Variants in CADM2 observed in about 807,000 individuals in gnomAD.
The protein encoded by CADM2 is cell adhesion molecule 2.
A neutral mutation model predicts 49.8 loss-of-function variants in CADM2; 12 were observed. The observed-to-expected ratio is 0.24, with a 90% confidence interval of 0.15 to 0.39. CADM2 has a LOEUF of 0.39. CADM2 is among the 10% of genes least tolerant of loss of function. The pLI, the probability that CADM2 is intolerant of heterozygous loss-of-function variation, is 1.00. For missense variants in CADM2, 378 were observed against 492.3 expected (o/e 0.77, Z 2.20); for synonymous variants, 214 against 175.4 (o/e 1.22, Z -1.74).
At chr3:85,579,542 C>T (rs1420959255) in intron 1 of CADM2, among the ~76,000 whole-genome samples, 1 of 152,072 alleles carries the variant, frequency 6.6e-6, no homozygotes, top group Admixed American at 6.6e-5. Context: ...ATGATAGAGT[C>T]AAGTTTGTTA....
At chr3:85,877,155 G>A (rs535299178) in intron 3 of CADM2, among the ~76,000 whole-genome samples, 142 of 152,126 alleles carry the variant, frequency 9.3e-4, no homozygotes, top group African/African-American at 3.2e-3. Context: ...TGGCTGTTAG[G>A]GCATGACCTC....
intron 1 of CADM2, among the ~76,000 whole-genome samples, chr3:85,378,222 T>G (rs1274201716): frequency 6.6e-6 from 1 of 152,074 alleles, no homozygotes; most frequent in Non-Finnish European, 1.5e-5. Flanking sequence ...AAGATCTTAC[T>G]TGGACCAGGT....
rs146794468 is a variant in CADM2 at position 85,580,891 on chromosome 3, G to T, written c.62-145631G>T. Among the ~76,000 whole-genome samples the T allele has an allele frequency of 1.2e-4, 19 of 152,116 alleles. No homozygotes were observed. In the East Asian group the frequency reaches 3.7e-3, roughly 29 times the overall value. On this transcript the variant is annotated intron_variant, in intron 1 of 9. Coordinates refer to ENST00000383699, the MANE Select transcript of CADM2 (RefSeq NM_001167675.2). ...GAACAGAATTTGTTAAATGCTAAAT[G>T]CTTAGAATATGTTAGCTGTTATTTT...
intron 1 of CADM2, among the ~76,000 whole-genome samples, chr3:85,194,274 A>C (rs1210049547): frequency 6.6e-6 from 1 of 152,132 alleles, no homozygotes; most frequent in Non-Finnish European, 1.5e-5. Context: ...GACAAGGCTC[A>C]AGAGAAGGAA....
In CADM2 at chr3:85,787,004, T is replaced by C. The variant is rs946470605; in HGVS notation, c.89-15043T>C. Among the ~76,000 whole-genome samples the C allele has an allele frequency of 1.2e-4, 19 of 152,228 alleles. No individual in the cohort carries two copies. The East Asian group carries it at 2.5e-3, about 20-fold the overall frequency. Reference sequence around the variant, plus strand: ...GTATTGTTATTCACTCAAAGAAATATATATTTGAAAAAGAAAACTGTTTTA... The same window carrying C: ...GTATTGTTATTCACTCAAAGAAATACATATTTGAAAAAGAAAACTGTTTTA... On this transcript the variant is annotated intron_variant, in intron 2 of 9. Coordinates refer to ENST00000383699, the MANE Select transcript of CADM2 (RefSeq NM_001167675.2).
chr3:85,526,030 T>A (rs2061151846), intron 1 of CADM2, among the ~76,000 whole-genome samples: 1 of 152,304 alleles, frequency 6.6e-6, no homozygotes, highest in African/African-American at 2.4e-5. Flanking sequence ...AAAAAATCAA[T>A]TATCTTTTCT....
intron 3 of CADM2, among the ~76,000 whole-genome samples, chr3:85,863,893 C>G (rs1258475621): frequency 6.6e-6 from 1 of 152,088 alleles, no homozygotes; most frequent in Non-Finnish European, 1.5e-5. Flanking sequence ...ATGAAATGTT[C>G]TGGTTGCATT....
chr3:85,582,324 A>G (rs1249035500), intron 1 of CADM2, among the ~76,000 whole-genome samples: 1 of 152,210 alleles, frequency 6.6e-6, no homozygotes, highest in African/African-American at 2.4e-5. Context: ...TAAGCCAGAA[A>G]GCATAATTAG....
chr3:85,578,904 A>T (rs956482398), intron 1 of CADM2, among the ~76,000 whole-genome samples: 5 of 152,198 alleles, frequency 3.3e-5, no homozygotes, highest in African/African-American at 7.2e-5. Flanking sequence ...TTAAATTGAA[A>T]AGGTGGAGAA....
chr3:85,061,214 C>A (rs886246072), intron 1 of CADM2, among the ~76,000 whole-genome samples: 1 of 152,016 alleles, frequency 6.6e-6, no homozygotes, highest in Non-Finnish European at 1.5e-5. Context: ...AAATGTTTCT[C>A]GTGATGAAAA....
chr3:85,333,789 A>C (rs2045002533), intron 1 of CADM2, among the ~76,000 whole-genome samples: 1 of 151,602 alleles, frequency 6.6e-6, no homozygotes, highest in South Asian at 2.1e-4. Flanking sequence ...TTAATGCATA[A>C]AAGGCTATTA....
intron 1 of CADM2, among the ~76,000 whole-genome samples, chr3:85,279,049 G>A (rs1471939337): frequency 1.3e-5 from 2 of 151,372 alleles, no homozygotes; most frequent in Non-Finnish European, 1.5e-5. Context: ...ATAAAAGAGA[G>A]ATGCATATAC....
At chr3:85,328,775 G>A (rs1162335553) in intron 1 of CADM2, among the ~76,000 whole-genome samples, 1 of 152,020 alleles carries the variant, frequency 6.6e-6, no homozygotes, top group Non-Finnish European at 1.5e-5. Flanking sequence ...CTCTTCAGGA[G>A]ACTTGTGTGG....
At chr3:85,898,199 T>C (rs1715529346) in intron 5 of CADM2, among the ~76,000 whole-genome samples, 1 of 152,116 alleles carries the variant, frequency 6.6e-6, no homozygotes, top group Non-Finnish European at 1.5e-5. Context: ...TTGTTCCAGG[T>C]GTATATGAGT....
chr3:86,065,695 T>C lies in CADM2; in HGVS notation c.1061T>C (p.Ile354Thr). The change falls in exon 9 of 10, where the codon ATC (isoleucine) becomes ACC (threonine). Residue 354 changes from isoleucine to threonine, a missense_variant. Coordinates refer to ENST00000383699, the MANE Select transcript of CADM2 (RefSeq NM_001167675.2). Reference protein sequence around the residue: ...AVVVFVTLCSIFLLGRYLARH... With the variant: ...AVVVFVTLCSTFLLGRYLARH... ...GTTGTATTTGTCACGCTGTGTTCTA[T>C]CTTTCTGCTTGGTCGATATCTGGCA... 6.2e-7 allele frequency: 1 copy of C among 1,614,090 alleles called. No homozygotes were observed. Among genetic ancestry groups the C allele is most frequent in the Non-Finnish European group, 8.5e-7 (1 of 1,179,970 alleles).
At chr3:86,051,575 A>T (rs2107324687) in intron 8 of CADM2, among the ~76,000 whole-genome samples, 1 of 152,270 alleles carries the variant, frequency 6.6e-6, no homozygotes, top group South Asian at 2.1e-4. Flanking sequence ...TAAATACCCG[A>T]GACTGGGTAA....
intron 1 of CADM2, among the ~76,000 whole-genome samples, chr3:85,501,545 T>TA (rs1288212587): frequency 6.6e-6 from 1 of 152,136 alleles, no homozygotes; most frequent in Non-Finnish European, 1.5e-5. Flanking sequence ...TATGAATTTT[T>TA]AAAAATATTA....
chr3:85,753,301 G>A (rs1174087354), intron 2 of CADM2, among the ~76,000 whole-genome samples: 5 of 152,010 alleles, frequency 3.3e-5, no homozygotes, highest in African/African-American at 1.2e-4. Context: ...AACGCTGGAA[G>A]AGGCAAAAAG....
At chr3:86,046,581 G>A (rs946056664) in intron 8 of CADM2, among the ~76,000 whole-genome samples, 5 of 151,986 alleles carry the variant, frequency 3.3e-5, no homozygotes, top group African/African-American at 1.2e-4. Context: ...CATCCTATGA[G>A]GAACAGGGCA....
Sources: gnomAD v4.1 joint callset for allele counts (sites outside exome capture counted in the v4.1 genomes callset) on GRCh38, gnomAD v4.1.1 for gene constraint, MANE v1.5 for transcripts, NCBI Gene and HGNC (gene_info 2026-07-23, HGNC 2026-07-21) for gene names.